The following BARD1 variants were observed in gnomAD, a reference collection of about 807,000 sequenced individuals.
The protein encoded by BARD1 is BRCA1 associated RING domain 1.
A neutral mutation model predicts 77.0 loss-of-function variants in BARD1; 73 were observed. That is an observed-to-expected ratio of 0.95 (90% CI 0.79 to 1.15). BARD1 has a LOEUF of 1.15. Among genes scored for constraint, BARD1 ranks in the 50% most tolerant of loss-of-function variants. The pLI, the probability that BARD1 is intolerant of heterozygous loss-of-function variation, is 0.00. For missense variants in BARD1, 993 were observed against 938.8 expected (o/e 1.06, Z -0.75); for synonymous variants, 384 against 338.0 (o/e 1.14, Z -1.49).
Position 214,728,975 on chromosome 2 carries a change from A to T in BARD1, c.2035T>A (p.Leu679Met). 6.2e-7 allele frequency: 1 copy of T among 1,614,180 alleles called. No homozygotes were observed. The highest frequency in any genetic ancestry group is 8.5e-7 in the Non-Finnish European group (1 of 1,180,018). The change falls in exon 11 of 11, where the codon TTG (leucine) becomes ATG (methionine). Residue 679 changes from leucine (L) to methionine (M), a missense_variant. Coordinates refer to ENST00000260947, the MANE Select transcript of BARD1 (RefSeq NM_000465.4). Reference sequence around the variant, plus strand: ...GGATGGTGTTTGAAGGTTCCCCACAAATAGAAGTAGCATCCATCAAACAGC... The same window carrying T: ...GGATGGTGTTTGAAGGTTCCCCACATATAGAAGTAGCATCCATCAAACAGC... The part of the protein sequence containing the change: ...PKLFDGCYFY[L>M]WGTFKHHPKD...
At chr2:214,759,015 C>T (rs1231716779) in intron 6 of BARD1, among the ~76,000 whole-genome samples, 1 of 152,172 alleles carries the variant, frequency 6.6e-6, no homozygotes, top group Non-Finnish European at 1.5e-5. Context: ...TCATGAATAA[C>T]TACAAAACTG....
chr2:214,767,544 G>T lies in BARD1; in HGVS notation c.1506C>A (p.Ala502=). The change falls in exon 6 of 11, where the codon GCC becomes GCA. Residue 502 remains alanine (A), a synonymous_variant. Coordinates refer to ENST00000260947, the MANE Select transcript of BARD1 (RefSeq NM_000465.4). ...TGACTATATCCACATGCCCATTCTT[G>T]GCTGCATCGTGAAGTGGTGAGTCAT... ...YQNDSPLHDA[A]KNGHVDIVKL... 1 of 1,613,986 alleles carries T rather than the reference G, an allele frequency of 6.2e-7. No individual in the cohort carries two copies. The highest frequency in any genetic ancestry group is 8.5e-7 in the Non-Finnish European group (1 of 1,179,904).
intron 7 of BARD1, among the ~76,000 whole-genome samples, chr2:214,749,262 G>C (rs538344504): frequency 6.6e-6 from 1 of 152,196 alleles, no homozygotes; most frequent in East Asian, 1.9e-4. Context: ...ACACAGTAAG[G>C]CAGCCCATGT....
chr2:214,745,702 C>A lies in BARD1; in HGVS notation c.1810+20G>T. On this transcript the variant is annotated intron_variant, in intron 8 of 10. Coordinates refer to ENST00000260947, the MANE Select transcript of BARD1 (RefSeq NM_000465.4). ...TTTAACATTTTTTCTACCCCACCTC[C>A]CAAAATTCAAAATCCTCACCTGTAC... 1 of 1,613,882 alleles carries A rather than the reference C, an allele frequency of 6.2e-7. No individual in the cohort carries two copies. Among genetic ancestry groups the A allele is most frequent in the Non-Finnish European group, 8.5e-7 (1 of 1,179,862 alleles).
chr2:214,755,997 G>A (rs879441222), intron 6 of BARD1, among the ~76,000 whole-genome samples: 2 of 152,158 alleles, frequency 1.3e-5, no homozygotes, highest in Non-Finnish European at 1.5e-5. Flanking sequence ...TTCTTTTAAT[G>A]CCTTATCAAC....
chr2:214,786,480 C>T (rs560251845), intron 3 of BARD1, among the ~76,000 whole-genome samples: 3 of 152,070 alleles, frequency 2.0e-5, no homozygotes, highest in South Asian at 2.1e-4. Context: ...CCTATTCTTT[C>T]ACCTCATATT....
chr2:214,729,114 T>C, intron 10 of BARD1, 106 bp from the exon 11 acceptor site: 1 of 1,292,326 alleles, frequency 7.7e-7, no homozygotes, highest in Non-Finnish European at 1.1e-6. Context: ...ATCCCTTACC[T>C]GAAACATTTG....
At chr2:214,782,389 G>A (rs553256238) in intron 3 of BARD1, among the ~76,000 whole-genome samples, 6 of 152,128 alleles carry the variant, frequency 3.9e-5, no homozygotes, top group African/African-American at 9.6e-5. Flanking sequence ...CACAAGAGGG[G>A]CTTCCAGAGT....
At chr2:214,771,047 C>T (rs1694459695) in intron 4 of BARD1, among the ~76,000 whole-genome samples, 1 of 152,170 alleles carries the variant, frequency 6.6e-6, no homozygotes, top group South Asian at 2.1e-4. Flanking sequence ...AAAACAATGT[C>T]AGGCTTTAGG....
At chr2:214,799,832 C>T (rs914468292) in intron 1 of BARD1, among the ~76,000 whole-genome samples, 18 of 152,162 alleles carry the variant, frequency 1.2e-4, no homozygotes, top group African/African-American at 4.3e-4. Context: ...CCTCACCTTC[C>T]TAGCTTTAAC....
chr2:214,800,670 C>A (rs1013712297), intron 1 of BARD1, among the ~76,000 whole-genome samples: 11 of 152,122 alleles, frequency 7.2e-5, no homozygotes, highest in African/African-American at 2.4e-4. Flanking sequence ...ACACTAGATA[C>A]TTGCAAAAAT....
intron 1 of BARD1, among the ~76,000 whole-genome samples, chr2:214,807,806 A>C (rs1696345366): frequency 6.6e-6 from 1 of 152,262 alleles, no homozygotes; most frequent in Non-Finnish European, 1.5e-5. Context: ...TTCTGACCAC[A>C]GTCTAAGTGA....
rs764558848 is a variant in BARD1 at position 214,725,734 on chromosome 2, T to C, written c.*2942A>G. The C allele has an allele frequency of 4.4e-6, 1 of 225,246 alleles. No individual in the cohort carries two copies. The highest frequency in any genetic ancestry group is 8.8e-6 in the Non-Finnish European group (1 of 113,072). 14.0% of individuals were successfully genotyped at this position (225,246 alleles called of 1,614,324 possible). ...ATAAAGAAATACATGAAGTTTACAA[T>C]CTGTAGCTCAATCTATCAAAGAAAA... On this transcript the variant is annotated 3_prime_UTR_variant, in exon 11 of 11. Coordinates refer to ENST00000260947, the MANE Select transcript of BARD1 (RefSeq NM_000465.4).
At chr2:214,808,700 CAAG>C (rs67056876) in intron 1 of BARD1, among the ~76,000 whole-genome samples, 88,451 of 151,548 alleles carry the variant, frequency 0.58, 26,253 homozygotes, top group East Asian at 0.8. Context: ...CGAAAAAAAG[CAAG>C]AAGTAACACT....
In BARD1 at chr2:214,728,182, T is replaced by C. The variant is rs1979028; in HGVS notation, c.*494A>G. 4 of 230,052 alleles carry C rather than the reference T, an allele frequency of 1.7e-5. No individual in the cohort carries two copies. The highest frequency in any genetic ancestry group is 2.6e-5 in the Non-Finnish European group (3 of 116,852). 14.3% of individuals were successfully genotyped at this position (230,052 alleles called of 1,614,324 possible). ...TGAACACAATATAGGATAAAGACAATTGCAGATAGGAGAATTTAACACCTA... is the reference window on the plus strand; with the variant it reads ...TGAACACAATATAGGATAAAGACAACTGCAGATAGGAGAATTTAACACCTA... On this transcript the variant is annotated 3_prime_UTR_variant, in exon 11 of 11. Coordinates refer to ENST00000260947, the MANE Select transcript of BARD1 (RefSeq NM_000465.4).
intron 6 of BARD1, among the ~76,000 whole-genome samples, chr2:214,766,181 T>A (rs1694186179): frequency 6.6e-6 from 1 of 152,198 alleles, no homozygotes; most frequent in African/African-American, 2.4e-5. Context: ...CTTGTGACAC[T>A]CTTGACAATG....
chr2:214,790,985 T>C (rs1457808208), intron 3 of BARD1, among the ~76,000 whole-genome samples: 3 of 152,132 alleles, frequency 2.0e-5, no homozygotes, highest in East Asian at 3.9e-4. Flanking sequence ...AAAATAAACA[T>C]TGTCAGTACT....
intron 3 of BARD1, among the ~76,000 whole-genome samples, chr2:214,783,807 G>A (rs1695149698): frequency 6.6e-6 from 1 of 152,088 alleles, no homozygotes; most frequent in South Asian, 2.1e-4. Flanking sequence ...GGGAAAACTG[G>A]CTAGCCATAT....
intron 9 of BARD1, among the ~76,000 whole-genome samples, chr2:214,733,832 A>G (rs1692458053): frequency 2.0e-5 from 3 of 152,190 alleles, no homozygotes; most frequent in Non-Finnish European, 2.9e-5. Flanking sequence ...ATCTAATAAC[A>G]AGAAAACTCC....
Sources: gnomAD v4.1 joint callset for allele counts (sites outside exome capture counted in the v4.1 genomes callset) on GRCh38, gnomAD v4.1.1 for gene constraint, MANE v1.5 for transcripts, NCBI Gene and HGNC (gene_info 2026-07-23, HGNC 2026-07-21) for gene names.